The following PARS2 variants were observed in gnomAD, a reference collection of about 807,000 sequenced individuals.
The protein encoded by PARS2 is probable proline--tRNA ligase, mitochondrial.
PARS2 carries 20 observed loss-of-function variants against 27.4 expected under a neutral mutation model. The observed-to-expected ratio is 0.73, with a 90% CI of 0.51 to 1.06. The LOEUF (loss-of-function observed/expected upper bound fraction) is 1.06. Ranked by LOEUF, PARS2 falls within the 50% of genes least tolerant of loss-of-function variation. The probability of loss-of-function intolerance (pLI) is 0.00; values close to 1 mark genes in which losing one functional copy is unlikely to be tolerated. For synonymous variants in PARS2, 240 were observed against 247.1 expected (o/e 0.97, Z 0.27); for missense variants, 585 against 602.1 (o/e 0.97, Z 0.30).
At chr1:54,759,392 T>A (rs1452811710) in intron 1 of PARS2, among the ~76,000 whole-genome samples, 1 of 152,230 alleles carries the variant, frequency 6.6e-6, no homozygotes, top group Non-Finnish European at 1.5e-5. Flanking sequence ...AATATTTTCC[T>A]GATTATAAAA....
Position 54,757,910 on chromosome 1 carries a change from T to C in PARS2, c.1252A>G (p.Ile418Val), listed in dbSNP as rs1386060091. 12 of 1,614,098 alleles carry C rather than the reference T, an allele frequency of 7.4e-6. No homozygotes were observed. The highest frequency in any genetic ancestry group is 1.6e-4 in the Middle Eastern group (1 of 6,084). ...TTGGCATCTTTCAGTCTGTTTCCGA[T>C]GGTCAGATGGGTCCTGTCGTCCAGG... ...VLLDDRTHLTIGNRLKDANKF... is the reference protein window; with the variant it reads ...VLLDDRTHLTVGNRLKDANKF... Residue 418 changes from isoleucine (I) to valine (V), a missense_variant, in exon 2 of 2, where the codon ATC becomes GTC. Ile to Val is a conservative substitution (Grantham distance 29). Transcript: ENST00000371279.
rs1336532252 is a variant in PARS2 at position 54,758,665 on chromosome 1, A to G, written c.497T>C (p.Ile166Thr). Reference sequence around the variant, plus strand: ...GTAGGACAGTTTCTTCTGGGAGGCAATTAAGGCCGTAATGGCTTCCTCGTG... The same window carrying G: ...GTAGGACAGTTTCTTCTGGGAGGCAGTTAAGGCCGTAATGGCTTCCTCGTG... ...PTHEEAITAL[I>T]ASQKKLSYKQ... Residue 166 changes from isoleucine to threonine, a missense_variant, in exon 2 of 2, where the codon ATT becomes ACT. By Grantham distance (89) the Ile-to-Thr change is moderately conservative. Transcript: ENST00000371279. The G allele has an allele frequency of 4.3e-6, 7 of 1,614,180 alleles. No homozygotes were observed. Among genetic ancestry groups the G allele is most frequent in the Non-Finnish European group, 5.9e-6 (7 of 1,180,028 alleles).
Position 54,757,903 on chromosome 1 carries a change from T to C in PARS2, c.1259A>G (p.Asn420Ser). Residue 420 changes from asparagine to serine, a missense_variant, in exon 2 of 2, where the codon AAC (asparagine) becomes AGC (serine). By Grantham distance (46) the Asn-to-Ser change is conservative. Coordinates refer to ENST00000371279, the MANE Select transcript of PARS2 (RefSeq NM_152268.4). Reference sequence around the variant, plus strand: ...AAACTTGTTGGCATCTTTCAGTCTGTTTCCGATGGTCAGATGGGTCCTGTC... The same window carrying C: ...AAACTTGTTGGCATCTTTCAGTCTGCTTCCGATGGTCAGATGGGTCCTGTC... ...LDDRTHLTIG[N>S]RLKDANKFGY... is the part of the protein sequence containing the mutation. 5 of 1,614,218 alleles carry C rather than the reference T, an allele frequency of 3.1e-6. No homozygotes were observed. The highest frequency in any genetic ancestry group is 4.2e-6 in the Non-Finnish European group (5 of 1,180,026).
chr1:54,762,119 G>A (rs1449210536), intron 1 of PARS2, among the ~76,000 whole-genome samples: 1 of 149,994 alleles, frequency 6.7e-6, no homozygotes, highest in African/African-American at 2.5e-5. Flanking sequence ...TTGAGCATCA[G>A]AATCGCTGGA....
intron 1 of PARS2, among the ~76,000 whole-genome samples, chr1:54,762,224 G>A (rs1361125372): frequency 4.7e-5 from 7 of 148,490 alleles, no homozygotes; most frequent in African/African-American, 1.7e-4. Flanking sequence ...TGCAACCTCC[G>A]TACCCCCAGC....
chr1:54,760,830 A>G (rs1180952), intron 1 of PARS2, among the ~76,000 whole-genome samples: 24 of 151,380 alleles, frequency 1.6e-4, no homozygotes, highest in African/African-American at 5.3e-4. Context: ...CCAGGCTGGA[A>G]TGTAGTGGCG....
At chr1:54,762,169 ACT>A (rs1191910750) in intron 1 of PARS2, among the ~76,000 whole-genome samples, 8 of 139,708 alleles carry the variant, frequency 5.7e-5, no homozygotes, top group South Asian at 2.3e-4. Flanking sequence ...GACAGAGTTC[ACT>A]CTATCACCCA....
chr1:54,761,289 T>C (rs950352574), intron 1 of PARS2, among the ~76,000 whole-genome samples: 1 of 152,116 alleles, frequency 6.6e-6, no homozygotes, highest in Non-Finnish European at 1.5e-5. Context: ...GTCTGTCTTC[T>C]CCCTGACACT....
At chr1:54,761,320 C>T (rs1257314023) in intron 1 of PARS2, among the ~76,000 whole-genome samples, 1 of 152,164 alleles carries the variant, frequency 6.6e-6, no homozygotes, top group Non-Finnish European at 1.5e-5. Context: ...CAAGCAAGGA[C>T]CTGTCTAGCT....
At chr1:54,760,785 T>G (rs1042079519) in intron 1 of PARS2, among the ~76,000 whole-genome samples, 1 of 146,590 alleles carries the variant, frequency 6.8e-6, no homozygotes, top group African/African-American at 2.5e-5. Flanking sequence ...ACGCCCACTC[T>G]TTTTTTTTTT....
Position 54,758,228 on chromosome 1 carries a change from A to AAAATGTGTG in PARS2, c.925_933dup (p.His309_Phe311dup). The AAAATGTGTG allele has an allele frequency of 1.2e-6, 2 of 1,614,216 alleles. No homozygotes were observed. The highest frequency in any genetic ancestry group is 1.7e-6 in the Non-Finnish European group (2 of 1,180,010). On this transcript the variant is annotated inframe_insertion, in exon 2 of 2. Coordinates refer to ENST00000371279, the MANE Select transcript of PARS2 (RefSeq NM_152268.4). ...ATGGATGAGTACTTGGTACCCAGGT[A>AAAATGTGTG]AAATGTGTGCCCCACCTCAATGCCT...
intron 1 of PARS2, among the ~76,000 whole-genome samples, chr1:54,763,644 TCA>T (rs1187446276): frequency 6.6e-6 from 1 of 152,222 alleles, no homozygotes; most frequent in Non-Finnish European, 1.5e-5. Flanking sequence ...TAGAATTATC[TCA>T]GTTTTTCAGG....
chr1:54,762,234 C>T (rs992068940), intron 1 of PARS2, among the ~76,000 whole-genome samples: 1 of 151,864 alleles, frequency 6.6e-6, no homozygotes, highest in African/African-American at 2.4e-5. Context: ...GTACCCCCAG[C>T]CTCAAGAGAT....
chr1:54,763,451 A>C (rs975162541), intron 1 of PARS2, among the ~76,000 whole-genome samples: 1 of 152,232 alleles, frequency 6.6e-6, no homozygotes, highest in South Asian at 2.1e-4. Flanking sequence ...AGAGTCTCGC[A>C]TAATGCCTAC....
rs1197273485 is a variant in PARS2 at position 54,758,857 on chromosome 1, A to G, written c.305T>C (p.Val102Ala). ...PYTVRAMEKL[V>A]RVIDQEMQAI... ...CTGCATCTCCTGGTCTATCACTCGC[A>G]CGAGCTTCTCCATGGCACGGACGGT... is the stretch of plus-strand genomic sequence containing the variant. Residue 102 changes from valine to alanine, a missense_variant, in exon 2 of 2, where the codon GTG (valine) becomes GCG (alanine). Transcript: ENST00000371279. 1 of 1,614,200 alleles carries G rather than the reference A, an allele frequency of 6.2e-7. No homozygotes were observed. Among genetic ancestry groups the G allele is most frequent in the South Asian group, 1.1e-5 (1 of 91,080 alleles).
At chr1:54,761,380 C>A (rs1646156476) in intron 1 of PARS2, among the ~76,000 whole-genome samples, 1 of 152,174 alleles carries the variant, frequency 6.6e-6, no homozygotes, top group South Asian at 2.1e-4. Flanking sequence ...TAGACATTGT[C>A]CAATAGGCAA....
At chr1:54,763,351 G>C (rs542633162) in intron 1 of PARS2, among the ~76,000 whole-genome samples, 1 of 152,100 alleles carries the variant, frequency 6.6e-6, no homozygotes, top group Non-Finnish European at 1.5e-5. Context: ...GTGTGTACGG[G>C]GGCCAGGAGG....
intron 1 of PARS2, 118 bp from the exon 2 acceptor site, chr1:54,759,308 ATCCT>A: frequency 1.7e-6 from 1 of 600,026 alleles, no homozygotes; most frequent in Non-Finnish European, 2.9e-6. Flanking sequence ...GCAGATACAA[ATCCT>A]TCCATTTCTA....
In PARS2 at chr1:54,757,897, A is replaced by G; in HGVS notation, c.1265T>C (p.Leu422Pro). The change falls in exon 2 of 2, where the codon CTG (leucine) becomes CCG (proline). Residue 422 changes from leucine (L) to proline (P), a missense_variant. By Grantham distance (98) the Leu-to-Pro change is moderately conservative (BLOSUM62 -3). Coordinates refer to ENST00000371279, the MANE Select transcript of PARS2 (RefSeq NM_152268.4). ...GTAGCCAAACTTGTTGGCATCTTTC[A>G]GTCTGTTTCCGATGGTCAGATGGGT... ...DRTHLTIGNR[L>P]KDANKFGYPF... 1.2e-6 allele frequency: 2 copies of G among 1,614,186 alleles called. No homozygotes were observed. The highest frequency in any genetic ancestry group is 1.7e-6 in the Non-Finnish European group (2 of 1,180,028).
Sources: gnomAD v4.1 joint callset for allele counts (sites outside exome capture counted in the v4.1 genomes callset) on GRCh38, gnomAD v4.1.1 for gene constraint, MANE v1.5 for transcripts, NCBI Gene and HGNC (gene_info 2026-07-23, HGNC 2026-07-21) for gene names.